Variants in OR3A2 observed in about 807,000 individuals in gnomAD.
The protein encoded by OR3A2 is olfactory receptor family 3 subfamily A member 2, also known as olfactory receptor 3A2.
For synonymous variants in OR3A2, 126 were observed against 159.3 expected (o/e 0.79, Z 1.57); for missense variants, 318 against 392.8 (o/e 0.81, Z 1.61).
intron 3 of OR3A2, among the ~76,000 whole-genome samples, chr17:3,331,530 T>G (rs2049234253): frequency 6.6e-6 from 1 of 151,810 alleles, no homozygotes; most frequent in African/African-American, 2.4e-5. Context: ...TTCTGCATTC[T>G]TCACGTAGTT....
At chr17:3,358,971 G>A (rs2049486183) in intron 2 of OR3A2, among the ~76,000 whole-genome samples, 2 of 151,722 alleles carry the variant, frequency 1.3e-5, no homozygotes, top group African/African-American at 4.9e-5. Context: ...CCTGTGTTGT[G>A]TGCATATATA....
chr17:3,359,773 G>C (rs945620787), intron 2 of OR3A2, among the ~76,000 whole-genome samples: 3 of 151,598 alleles, frequency 2.0e-5, no homozygotes, highest in Admixed American at 1.3e-4. Flanking sequence ...TGGCTGCATA[G>C]TATTCCATGG....
In OR3A2 at chr17:3,351,289, T is replaced by C. The variant is rs1443443914; in HGVS notation, c.-178-15163A>G. Among the ~76,000 whole-genome samples the C allele has an allele frequency of 2.4e-4, 20 of 84,834 alleles. 3 individuals are homozygous for C. Among genetic ancestry groups the C allele is most frequent in the Middle Eastern group, 5.7e-3 (1 of 176 alleles). The allele number at this position is 84,834 out of a possible 152,430, so 55.7% of individuals were successfully genotyped here. On this transcript the variant is annotated intron_variant, in intron 2 of 4. Coordinates refer to the OR3A2 transcript ENST00000573491. ...ATTGTATATCTAGAAAACCCCATTG[T>C]GTCAGCCCAAAATCTCCTTAAGCTG...
intron 2 of OR3A2, among the ~76,000 whole-genome samples, chr17:3,368,313 C>T (rs576635362): frequency 6.6e-5 from 10 of 152,320 alleles, no homozygotes; most frequent in Middle Eastern, 3.4e-3. Flanking sequence ...TTTCCCTAAG[C>T]CAATGTCTAG....
intron 3 of OR3A2, among the ~76,000 whole-genome samples, chr17:3,294,334 A>C (rs1391253104): frequency 6.6e-6 from 1 of 152,048 alleles, no homozygotes; most frequent in Non-Finnish European, 1.5e-5. Flanking sequence ...TATACCAAAA[A>C]AACCAATATT....
Position 3,328,726 on chromosome 17 carries a change from C to T in OR3A2, c.-85+7307G>A, listed in dbSNP as rs1303711572. On this transcript the variant is annotated intron_variant, in intron 3 of 4. Coordinates refer to the OR3A2 transcript ENST00000573491. Reference sequence around the variant, plus strand: ...AGATAGCTCTTATTATTTTGAAATACGTCCCATCAATACCTAATTTATTGA... The same window carrying T: ...AGATAGCTCTTATTATTTTGAAATATGTCCCATCAATACCTAATTTATTGA... Among the ~76,000 whole-genome samples, 25 of 142,960 alleles carry T rather than the reference C, an allele frequency of 1.7e-4. No individual in the cohort carries two copies. In the East Asian group the frequency reaches 1.8e-3, roughly 10 times the overall value. The allele number at this position is 142,960 out of a possible 152,430, so 93.8% of individuals were successfully genotyped here. A position where few individuals can be genotyped will look rare whatever the true frequency, so the allele number is the denominator to read the frequency against.
At chr17:3,374,762 G>A (rs1030660651) in intron 2 of OR3A2, among the ~76,000 whole-genome samples, 5 of 151,958 alleles carry the variant, frequency 3.3e-5, no homozygotes, top group South Asian at 2.1e-4. Flanking sequence ...TTCATCTCAC[G>A]AATAAGTTCT....
chr17:3,350,527 T>G (rs2049411453), intron 2 of OR3A2, among the ~76,000 whole-genome samples: 1 of 151,994 alleles, frequency 6.6e-6, no homozygotes, highest in Admixed American at 6.6e-5. Context: ...GAGCTGAAAT[T>G]GTGGCAATAA....
intron 3 of OR3A2, among the ~76,000 whole-genome samples, chr17:3,322,062 G>C (rs1348704470): frequency 6.6e-6 from 1 of 152,068 alleles, no homozygotes; most frequent in Non-Finnish European, 1.5e-5. Context: ...TTCAGAGCCT[G>C]TTATTGGTCT....
At chr17:3,322,704 A>G (rs1354899455) in intron 3 of OR3A2, among the ~76,000 whole-genome samples, 1 of 152,084 alleles carries the variant, frequency 6.6e-6, no homozygotes. Context: ...CTTAATTCTG[A>G]GTTCTAGTTT....
chr17:3,357,158 G>C (rs759567434), intron 2 of OR3A2, among the ~76,000 whole-genome samples: 4 of 151,702 alleles, frequency 2.6e-5, no homozygotes, highest in Non-Finnish European at 4.4e-5. Context: ...TTGCCTGTTT[G>C]CATAGGTGGT....
At chr17:3,304,022 ATAACAGTAAGCCAAAG>A (rs2048985014) in intron 3 of OR3A2, among the ~76,000 whole-genome samples, 1 of 149,404 alleles carries the variant, frequency 6.7e-6, no homozygotes, top group Non-Finnish European at 1.5e-5. Flanking sequence ...ATGTACCAAA[ATAACAGTAAGCCAAAG>A]TAACAGTAAG....
intron 2 of OR3A2, among the ~76,000 whole-genome samples, chr17:3,346,677 A>C: frequency 6.7e-6 from 1 of 149,638 alleles, no homozygotes; most frequent in South Asian, 2.1e-4. Flanking sequence ...ATCCATCCGC[A>C]CCTCTCCATC....
At chr17:3,361,375 C>T (rs151192) in intron 2 of OR3A2, among the ~76,000 whole-genome samples, 63,785 of 151,314 alleles carry the variant, frequency 0.42, 14,084 homozygotes, top group Admixed American at 0.53. Context: ...GACAATTTGA[C>T]TTCCTCTTTT....
intron 3 of OR3A2, among the ~76,000 whole-genome samples, chr17:3,321,935 G>C (rs1481888526): frequency 1.3e-5 from 2 of 152,128 alleles, no homozygotes; most frequent in Non-Finnish European, 2.9e-5. Flanking sequence ...CTTTTGATTG[G>C]AATAGTTTCA....
At chr17:3,295,122 G>A (rs543435246) in intron 3 of OR3A2, among the ~76,000 whole-genome samples, 1 of 152,054 alleles carries the variant, frequency 6.6e-6, no homozygotes, top group Non-Finnish European at 1.5e-5. Context: ...AAGTGTAAAT[G>A]TTTTTAAAAT....
At chr17:3,303,204 G>A (rs1212694391) in intron 3 of OR3A2, among the ~76,000 whole-genome samples, 2 of 152,160 alleles carry the variant, frequency 1.3e-5, no homozygotes, top group East Asian at 1.9e-4. Flanking sequence ...TTATACTGAA[G>A]AGTAAAAATG....
chr17:3,317,905 T>C (rs2049090770), intron 3 of OR3A2, among the ~76,000 whole-genome samples: 1 of 152,032 alleles, frequency 6.6e-6, no homozygotes, highest in Non-Finnish European at 1.5e-5. Flanking sequence ...TAGTGAAGAA[T>C]TCAGGCCTGT....
At chr17:3,298,469 G>A (rs1168713310) in intron 3 of OR3A2, 2 of 152,166 alleles carry the variant, frequency 1.3e-5, no homozygotes, top group Non-Finnish European at 2.9e-5. Context: ...CAGGAAGGTT[G>A]GATTCTCTGA....
Sources: gnomAD v4.1 joint callset for allele counts (sites outside exome capture counted in the v4.1 genomes callset) on GRCh38, gnomAD v4.1.1 for gene constraint, MANE v1.5 for transcripts, NCBI Gene and HGNC (gene_info 2026-07-23, HGNC 2026-07-21) for gene names.